FAM107B: variants seen among roughly 807,000 people sequenced by gnomAD.
The protein encoded by FAM107B is protein FAM107B.
FAM107B carries 21 observed loss-of-function variants against 31.5 expected under a neutral mutation model. That is an observed-to-expected ratio of 0.67 (90% confidence interval 0.47 to 0.96). The LOEUF is 0.96. Among genes scored for constraint, FAM107B ranks in the 40% least tolerant of loss-of-function variants. The pLI is 0.00. For missense variants in FAM107B, 452 were observed against 377.1 expected, an observed-to-expected ratio of 1.20 and a Z score of -1.64; for synonymous variants, 157 against 141.5, an observed-to-expected ratio of 1.11 and a Z score of -0.78.
chr10:14,731,976 G>A (rs1377659787), intron 1 of FAM107B, among the ~76,000 whole-genome samples: 4 of 152,232 alleles, frequency 2.6e-5, no homozygotes, highest in South Asian at 2.1e-4. Flanking sequence ...TGCTTTCACC[G>A]TTTGCCCTCC....
chr10:14,770,252 C>T (rs1201003865), intron 1 of FAM107B, among the ~76,000 whole-genome samples: 1 of 152,142 alleles, frequency 6.6e-6, no homozygotes, highest in Non-Finnish European at 1.5e-5. Context: ...AGACCTGGCG[C>T]GGTGGCTCAC....
chr10:14,774,320 C>G lies in FAM107B; in HGVS notation c.344G>C (p.Gly115Ala). Reference sequence around the variant, plus strand: ...AAACACCACTGCTTCACAGTCCGCCCCATCATCCAGGGACCCGGGCACATC... The same window carrying G: ...AAACACCACTGCTTCACAGTCCGCCGCATCATCCAGGGACCCGGGCACATC... ...PEDVPGSLDDGADCEAVVFHA... is the reference protein window; with the variant it reads ...PEDVPGSLDDAADCEAVVFHA... Residue 115 changes from glycine to alanine, a missense_variant, in exon 1 of 5, where the codon GGG (glycine) becomes GCG (alanine). Gly to Ala is a moderately conservative substitution (Grantham distance 60, BLOSUM62 0). Coordinates refer to ENST00000181796, the MANE Select transcript of FAM107B (RefSeq NM_031453.4). 1 of 1,614,210 alleles carries G rather than the reference C, an allele frequency of 6.2e-7. No homozygotes were observed. The highest frequency in any genetic ancestry group is 8.5e-7 in the Non-Finnish European group (1 of 1,180,036).
chr10:14,663,982 C>G (rs181903580), intron 2 of FAM107B, among the ~76,000 whole-genome samples: 1 of 150,570 alleles, frequency 6.6e-6, no homozygotes, highest in African/African-American at 2.4e-5. Flanking sequence ...TTTATAAACA[C>G]CCTGGCTGAC....
chr10:14,724,056 T>C lies in FAM107B; in HGVS notation c.411+50197A>G, dbSNP rs1855974520. On this transcript the variant is annotated intron_variant, in intron 1 of 4. Coordinates refer to ENST00000181796, the MANE Select transcript of FAM107B (RefSeq NM_031453.4). The stretch of plus-strand genomic sequence containing the variant: ...GCAGGACATCAAGGGCTCTGGACAT[T>C]GTGAAAGTTTCCCTTTAAGTTATGA... The C allele has an allele frequency of 5.3e-6, 4 of 759,472 alleles. No homozygotes were observed. The South Asian group carries it at 6.0e-5, about 11-fold the overall frequency. 47.0% of individuals were successfully genotyped at this position (759,472 alleles called of 1,614,324 possible).
chr10:14,744,761 A>G (rs1169118933), intron 1 of FAM107B, among the ~76,000 whole-genome samples: 1 of 152,164 alleles, frequency 6.6e-6, no homozygotes, highest in Non-Finnish European at 1.5e-5. Flanking sequence ...TATTTTATTG[A>G]GAAGTTTTAC....
chr10:14,762,357 G>T (rs1218977855), intron 1 of FAM107B, among the ~76,000 whole-genome samples: 2 of 152,182 alleles, frequency 1.3e-5, no homozygotes, highest in Non-Finnish European at 2.9e-5. Flanking sequence ...TGCACCCAGA[G>T]GGGGCTACAG....
chr10:14,583,754 A>G (rs1215534625), intron 2 of FAM107B, among the ~76,000 whole-genome samples: 1 of 152,146 alleles, frequency 6.6e-6, no homozygotes, highest in Non-Finnish European at 1.5e-5. Context: ...GGGAAAAAGG[A>G]AAAGAAACCA....
At chr10:14,559,455 C>T (rs1304634223) in intron 2 of FAM107B, among the ~76,000 whole-genome samples, 5 of 149,702 alleles carry the variant, frequency 3.3e-5, no homozygotes, top group African/African-American at 1.2e-4. Flanking sequence ...ATTTAAATCC[C>T]CCGGTTCTCT....
At chr10:14,727,293 C>G (rs1317732929) in intron 1 of FAM107B, among the ~76,000 whole-genome samples, 1 of 152,216 alleles carries the variant, frequency 6.6e-6, no homozygotes, top group Non-Finnish European at 1.5e-5. Context: ...CTGCTTTACA[C>G]TCTGACTTTT....
At chr10:14,575,681 C>A (rs938702570) in intron 2 of FAM107B, among the ~76,000 whole-genome samples, 3 of 152,206 alleles carry the variant, frequency 2.0e-5, no homozygotes, top group African/African-American at 4.8e-5. Flanking sequence ...CTAACAGCAA[C>A]TGACAACCAG....
rs547899320 is a variant in FAM107B, at chr10:14,563,060, A to T, written c.470-32545T>A. 3.9e-5 allele frequency among the ~76,000 whole-genome samples: 6 copies of T among 152,366 alleles called. No individual in the cohort carries two copies. The East Asian group carries it at 1.2e-3, about 29-fold the overall frequency. ...ATGAATTACTACTGAAATAAAGCGGAAAAACTGTGAAGCTTAAAACAGCCA... is the reference window on the plus strand; with the variant it reads ...ATGAATTACTACTGAAATAAAGCGGTAAAACTGTGAAGCTTAAAACAGCCA... On this transcript the variant is annotated intron_variant, in intron 2 of 4. Coordinates refer to ENST00000181796, the MANE Select transcript of FAM107B (RefSeq NM_031453.4).
chr10:14,734,918 A>G (rs1315865481), intron 1 of FAM107B, among the ~76,000 whole-genome samples: 1 of 152,112 alleles, frequency 6.6e-6, no homozygotes, highest in Non-Finnish European at 1.5e-5. Flanking sequence ...ACAAATTGAT[A>G]TACGCAATCT....
At chr10:14,741,916 A>G (rs1458580103) in intron 1 of FAM107B, among the ~76,000 whole-genome samples, 2 of 151,580 alleles carry the variant, frequency 1.3e-5, no homozygotes, top group South Asian at 2.1e-4. Flanking sequence ...ACTAAACCCC[A>G]TGTTAGCCAG....
chr10:14,752,664 G>A (rs1018600214), intron 1 of FAM107B, among the ~76,000 whole-genome samples: 3 of 152,192 alleles, frequency 2.0e-5, no homozygotes, highest in Non-Finnish European at 4.4e-5. Flanking sequence ...AGGTTTGGTG[G>A]TTCACACCTG....
chr10:14,630,955 C>G (rs1395639662), intron 2 of FAM107B, among the ~76,000 whole-genome samples: 2 of 152,074 alleles, frequency 1.3e-5, no homozygotes, highest in African/African-American at 4.8e-5. Flanking sequence ...ATATAGGAAT[C>G]TAGTCTGCTT....
At chr10:14,718,652 G>C (rs541924379) in intron 1 of FAM107B, among the ~76,000 whole-genome samples, 92 of 152,304 alleles carry the variant, frequency 6.0e-4, no homozygotes, top group Admixed American at 1.1e-3. Flanking sequence ...CTGAAGATGA[G>C]ACCATCTTCC....
At chr10:14,677,808 C>T (rs1854727205) in intron 1 of FAM107B, among the ~76,000 whole-genome samples, 1 of 152,184 alleles carries the variant, frequency 6.6e-6, no homozygotes, top group South Asian at 2.1e-4. Flanking sequence ...GCAAGTTGGT[C>T]ACCCTAATTG....
intron 2 of FAM107B, among the ~76,000 whole-genome samples, chr10:14,569,806 G>T (rs1410570520): frequency 1.3e-5 from 2 of 152,164 alleles, no homozygotes; most frequent in African/African-American, 4.8e-5. Flanking sequence ...CCCCAAACAA[G>T]ATCTGGGACT....
chr10:14,571,722 T>C (rs1851243140), intron 2 of FAM107B: 20 of 954,534 alleles, frequency 2.1e-5, no homozygotes, highest in Non-Finnish European at 2.5e-5. Flanking sequence ...AAGGACTACA[T>C]TATTCAACAG....
Sources: allele counts gnomAD v4.1 joint callset (sites outside exome capture counted in the v4.1 genomes callset), GRCh38; gene constraint gnomAD v4.1.1; transcripts MANE v1.5; gene names NCBI Gene and HGNC (gene_info 2026-07-23, HGNC 2026-07-21).